Variants in NRG3 observed in about 807,000 individuals in gnomAD.
The protein encoded by NRG3 is pro-neuregulin-3, membrane-bound isoform.
In NRG3, 31 loss-of-function variants were observed where a neutral mutation model predicts 66.9. That is an observed-to-expected ratio of 0.46 (90% CI 0.35 to 0.63). The LOEUF (loss-of-function observed/expected upper bound fraction) is 0.63, where lower values mean the gene tolerates loss of function less well. NRG3 is among the 20% of genes least tolerant of loss of function. NRG3 has a pLI of 0.00. For missense variants in NRG3, 910 were observed against 878.9 expected (o/e 1.04, Z -0.45); for synonymous variants, 393 against 359.4 (o/e 1.09, Z -1.06).
At chr10:82,720,700 AG>A (rs2057244714) in intron 2 of NRG3, among the ~76,000 whole-genome samples, 1 of 151,562 alleles carries the variant, frequency 6.6e-6, no homozygotes, top group East Asian at 2.0e-4. Flanking sequence ...GTCTTCAAGG[AG>A]GTTGGTTCTT....
At chr10:81,932,309 C>T (rs916482443) in intron 1 of NRG3, among the ~76,000 whole-genome samples, 4 of 152,036 alleles carry the variant, frequency 2.6e-5, no homozygotes, top group Non-Finnish European at 5.9e-5. Flanking sequence ...TGAGAACTCA[C>T]GTCATGAAGA....
At chr10:82,241,997 A>G (rs1455785496) in intron 1 of NRG3, among the ~76,000 whole-genome samples, 1 of 152,148 alleles carries the variant, frequency 6.6e-6, no homozygotes, top group Non-Finnish European at 1.5e-5. Context: ...GATACAGTTT[A>G]TATTAACATG....
intron 1 of NRG3, among the ~76,000 whole-genome samples, chr10:82,210,754 CAT>C (rs769708863): frequency 8.3e-4 from 126 of 152,178 alleles, no homozygotes; most frequent in African/African-American, 2.6e-3. Flanking sequence ...ATTGTCAAAA[CAT>C]GTGAGTAGAT....
At chr10:82,737,872 C>A (rs1460040249) in intron 2 of NRG3, among the ~76,000 whole-genome samples, 1 of 152,110 alleles carries the variant, frequency 6.6e-6, no homozygotes, top group Non-Finnish European at 1.5e-5. Flanking sequence ...TCCTTGCCTC[C>A]AAATTGTGCC....
intron 1 of NRG3, among the ~76,000 whole-genome samples, chr10:81,962,467 C>A (rs142808523): frequency 1.3e-5 from 2 of 152,120 alleles, no homozygotes; most frequent in African/African-American, 4.8e-5. Context: ...TGACACTTTT[C>A]TGACAAAAGA....
intron 4 of NRG3, among the ~76,000 whole-genome samples, chr10:82,927,093 AC>A (rs1424677330): frequency 2.6e-5 from 4 of 151,942 alleles, no homozygotes; most frequent in Non-Finnish European, 5.9e-5. Flanking sequence ...TTGCTCAGGG[AC>A]CCCCAACACG....
chr10:82,355,887 T>C (rs1033871665), intron 1 of NRG3, among the ~76,000 whole-genome samples: 7 of 152,332 alleles, frequency 4.6e-5, no homozygotes, highest in African/African-American at 1.4e-4. Flanking sequence ...ATACCCAATA[T>C]TTTATTATTG....
chr10:81,981,512 G>C (rs772958806), intron 1 of NRG3, among the ~76,000 whole-genome samples: 10 of 152,152 alleles, frequency 6.6e-5, no homozygotes, highest in Non-Finnish European at 1.2e-4. Flanking sequence ...CTTAGCCCTG[G>C]GAAATAGCGT....
intron 3 of NRG3, among the ~76,000 whole-genome samples, chr10:82,748,943 C>T (rs1370703416): frequency 2.0e-5 from 3 of 152,094 alleles, no homozygotes; most frequent in Admixed American, 6.5e-5. Context: ...TTGAGAGAAT[C>T]GCTTTCCCAT....
chr10:82,574,014 C>T (rs899682705), intron 2 of NRG3, among the ~76,000 whole-genome samples: 2 of 151,694 alleles, frequency 1.3e-5, no homozygotes, highest in African/African-American at 4.8e-5. Flanking sequence ...ACAATATGAT[C>T]CAACCAATCC....
intron 2 of NRG3, among the ~76,000 whole-genome samples, chr10:82,693,372 A>T (rs1179622231): frequency 6.6e-6 from 1 of 152,170 alleles, no homozygotes; most frequent in East Asian, 1.9e-4. Flanking sequence ...AGAGCAAAGG[A>T]ATCATTAGGT....
At chr10:81,922,704 T>G (rs1333767757) in intron 1 of NRG3, among the ~76,000 whole-genome samples, 2 of 152,224 alleles carry the variant, frequency 1.3e-5, no homozygotes, top group Non-Finnish European at 2.9e-5. Context: ...GATTCTTGAT[T>G]TGTAAAGCAT....
intron 1 of NRG3, among the ~76,000 whole-genome samples, chr10:82,090,266 A>G (rs914278526): frequency 1.3e-5 from 2 of 152,226 alleles, no homozygotes; most frequent in Non-Finnish European, 2.9e-5. Flanking sequence ...CATAGTTTCA[A>G]TAGGACTGGG....
chr10:82,914,373 A>G (rs576694955), intron 4 of NRG3, among the ~76,000 whole-genome samples: 11 of 152,198 alleles, frequency 7.2e-5, no homozygotes, highest in Admixed American at 1.3e-4. Flanking sequence ...GTGAAAAGCT[A>G]GACATGACAT....
intron 1 of NRG3, among the ~76,000 whole-genome samples, chr10:82,127,367 G>T (rs1414535321): frequency 6.6e-6 from 1 of 152,062 alleles, no homozygotes; most frequent in Non-Finnish European, 1.5e-5. Flanking sequence ...TGCATGAAAA[G>T]TTTATGCGTT....
intron 2 of NRG3, among the ~76,000 whole-genome samples, chr10:82,615,861 C>T (rs1034649760): frequency 2.6e-5 from 4 of 152,088 alleles, no homozygotes; most frequent in Non-Finnish European, 5.9e-5. Context: ...GACAAGCACA[C>T]GATAATTCAT....
intron 2 of NRG3, among the ~76,000 whole-genome samples, chr10:82,639,037 T>C (rs933119613): frequency 3.3e-5 from 5 of 152,204 alleles, no homozygotes; most frequent in Admixed American, 6.5e-5. Context: ...AACTCTGTCG[T>C]TGCCATGTGA....
intron 2 of NRG3, among the ~76,000 whole-genome samples, chr10:82,680,295 G>C (rs1353487999): frequency 6.6e-6 from 1 of 152,154 alleles, no homozygotes; most frequent in Non-Finnish European, 1.5e-5. Flanking sequence ...GGGTCTTCAA[G>C]GTACTTTATG....
At chr10:82,635,539 A>C (rs1192337853) in intron 2 of NRG3, among the ~76,000 whole-genome samples, 1 of 151,964 alleles carries the variant, frequency 6.6e-6, no homozygotes, top group Non-Finnish European at 1.5e-5. Context: ...TTTGGAGGGG[A>C]AAACGCCCCT....
Sources: allele counts gnomAD v4.1 joint callset (sites outside exome capture counted in the v4.1 genomes callset), GRCh38; gene constraint gnomAD v4.1.1; transcripts MANE v1.5; gene names NCBI Gene and HGNC (gene_info 2026-07-23, HGNC 2026-07-21).